ZNF841: variants seen among roughly 807,000 people sequenced by gnomAD.
ZNF841 encodes TCONS_00006091.
ZNF841 carries 11 observed loss-of-function variants against 13.0 expected under a neutral mutation model. The observed-to-expected ratio is 0.85, with a 90% CI of 0.53 to 1.40. The LOEUF is 1.40. Among genes scored for constraint, ZNF841 ranks in the 40% most tolerant of loss-of-function variants. The pLI is 0.00. For missense variants in ZNF841, 1,068 were observed against 1,139.5 expected, an observed-to-expected ratio of 0.94 and a Z score of 0.90; for synonymous variants, 369 against 381.6, an observed-to-expected ratio of 0.97 and a Z score of 0.38.
At chr19:52,058,773 G>C in the ZNF841 span, 1 of 153,146 alleles carries the variant, frequency 6.5e-6, no homozygotes, top group Non-Finnish European at 1.5e-5. Flanking sequence ...ATTTCTGTAT[G>C]AGGTTATCAT....
At chr19:52,090,670 A>AGAAAGAAAG (rs2088452693) in intron 2 of ZNF841, among the ~76,000 whole-genome samples, 1 of 135,634 alleles carries the variant, frequency 7.4e-6, no homozygotes, top group Non-Finnish European at 1.6e-5. Context: ...AAAGAAAGAA[A>AGAAAGAAAG]GAAAGAAAGA....
intron 1 of ZNF841, chr19:52,094,239 T>G (rs1304465755): frequency 2.0e-5 from 3 of 152,244 alleles, no homozygotes; most frequent in African/African-American, 7.2e-5. Flanking sequence ...CTTTGGTGAT[T>G]TTCATCCTCA....
intron 2 of ZNF841, among the ~76,000 whole-genome samples, chr19:52,091,592 A>C (rs1343033618): frequency 1.3e-5 from 2 of 152,368 alleles, no homozygotes; most frequent in East Asian, 3.9e-4. Flanking sequence ...AGGAAAGGAC[A>C]GTCTCATCAA....
At chr19:52,064,223 G>C (rs1403296938), downstream of ZNF841, among the ~76,000 whole-genome samples, 1 of 151,816 alleles carries the variant, frequency 6.6e-6, no homozygotes, top group African/African-American at 2.4e-5. Flanking sequence ...GCGAGCGCCT[G>C]TAGTCCCAGC....
At position 52,090,654 on chromosome 19, in the gene ZNF841, G is replaced by GGAAGGAAGGAAGGAAA. The variant is rs1183196348; in HGVS notation, c.-143-1653_-143-1652insTTTCCTTCCTTCCTTC. On this transcript the variant is annotated intron_variant, in intron 2 of 6. Coordinates refer to ENST00000594440, the MANE Select transcript of ZNF841 (RefSeq NM_001136499.2). ...AAGAAGGAAGGAAGGAAGGAAGGAA[G>GGAAGGAAGGAAGGAAA]GAAAGAAAGAAAGAAAGAAAGAAAG... is the stretch of plus-strand genomic sequence containing the variant. Among the ~76,000 whole-genome samples, 102 of 84,640 alleles carry GGAAGGAAGGAAGGAAA rather than the reference G, an allele frequency of 1.2e-3. 1 individual carries two copies. The highest frequency in any genetic ancestry group is 5.7e-3 in the African/African-American group (95 of 16,780). The allele number at this position is 84,640 out of a possible 152,430, so 55.5% of individuals were successfully genotyped here.
chr19:52,094,111 T>C (rs1293528654), intron 1 of ZNF841, 140 bp from the exon 2 acceptor site: 2 of 152,214 alleles, frequency 1.3e-5, no homozygotes, highest in East Asian at 3.8e-4. Context: ...ACTCCATCAT[T>C]GGGAAGAAGA....
chr19:52,088,384 C>T (rs2088360957), intron 3 of ZNF841, among the ~76,000 whole-genome samples: 1 of 152,150 alleles, frequency 6.6e-6, no homozygotes, highest in African/African-American at 2.4e-5. Context: ...AAAAAACTCA[C>T]AGATGAACCA....
chr19:52,082,279 T>C (rs2088125134), intron 4 of ZNF841, among the ~76,000 whole-genome samples: 1 of 152,162 alleles, frequency 6.6e-6, no homozygotes, highest in Admixed American at 6.6e-5. Context: ...GGGAATTTAA[T>C]AAAATGTGAC....
downstream of ZNF841, among the ~76,000 whole-genome samples, chr19:52,061,617 G>A (rs1568530976): frequency 6.6e-6 from 1 of 152,020 alleles, no homozygotes; most frequent in Non-Finnish European, 1.5e-5. Flanking sequence ...CTTGATCTCC[G>A]CTCACTGCAA....
At chr19:52,091,162 C>T (rs899607125) in intron 2 of ZNF841, among the ~76,000 whole-genome samples, 1 of 151,896 alleles carries the variant, frequency 6.6e-6, no homozygotes, top group Non-Finnish European at 1.5e-5. Context: ...GGCATTGGGG[C>T]TGCAACAAAG....
intron 2 of ZNF841, among the ~76,000 whole-genome samples, chr19:52,092,117 G>A (rs2088516727): frequency 1.3e-5 from 2 of 151,898 alleles, no homozygotes; most frequent in Non-Finnish European, 1.5e-5. Context: ...ACTCTAGCCT[G>A]GGCAACAGAG....
chr19:52,065,375 A>C lies in ZNF841; in HGVS notation c.2507T>G (p.Leu836Trp). The change falls in exon 7 of 7, where the codon TTG becomes TGG. Residue 836 changes from leucine to tryptophan, a missense_variant. Transcript: ENST00000594440. ...CGKAFIERSN[L>W]VYHQRNHTGE... ...AGTATGGTTTCTCTGATGGTAAACC[A>C]AGTTTGACCTTTCGATAAAAGCTTT... is the stretch of plus-strand genomic sequence containing the variant. 6.2e-7 allele frequency: 1 copy of C among 1,608,132 alleles called. No homozygotes were observed. The highest frequency in any genetic ancestry group is 8.5e-7 in the Non-Finnish European group (1 of 1,176,782).
rs374319660 is a variant in ZNF841, at chr19:52,066,281, A to T, written c.1601T>A (p.Ile534Asn). The change falls in exon 7 of 7, where the codon ATT becomes AAT. Residue 534 changes from isoleucine to asparagine, a missense_variant. Transcript: ENST00000594440. Reference sequence around the variant, plus strand: ...TTTGTAAGGTTTCTCTCCGGTATGAATTCTCTGATGTACAGTTAGTAATGA... The same window carrying T: ...TTTGTAAGGTTTCTCTCCGGTATGATTTCTCTGATGTACAGTTAGTAATGA... Reference protein sequence around the residue: ...WGSLLTVHQRIHTGEKPYKCN... With the variant: ...WGSLLTVHQRNHTGEKPYKCN... 5.6e-6 allele frequency: 9 copies of T among 1,613,810 alleles called. No individual in the cohort carries two copies. The African/African-American group carries it at 1.2e-4, about 22-fold the overall frequency.
chr19:52,066,976 T>A lies in ZNF841; in HGVS notation c.906A>T (p.Ser302=). ...NESGKAFHRG[S]LLTVHQIVHT... is the part of the protein sequence containing the mutation. ...GGACTATCTGATGTACTGTTAGTAGTGAGCCCCGATGAAAGGCTTTACCAG... is the reference window on the plus strand; with the variant it reads ...GGACTATCTGATGTACTGTTAGTAGAGAGCCCCGATGAAAGGCTTTACCAG... The change falls in exon 7 of 7, where the codon TCA becomes TCT. Residue 302 remains serine (S), a synonymous_variant. Transcript: ENST00000594440. The A allele has an allele frequency of 6.2e-7, 1 of 1,614,182 alleles. No individual in the cohort carries two copies. The highest frequency in any genetic ancestry group is 8.5e-7 in the Non-Finnish European group (1 of 1,180,016).
chr19:52,064,332 G>A (rs1411799047), downstream of ZNF841: 5 of 110,696 alleles, frequency 4.5e-5, no homozygotes, highest in South Asian at 3.3e-4. Flanking sequence ...CCGCCTGGGC[G>A]ACAGAGCGAG....
intron 2 of ZNF841, among the ~76,000 whole-genome samples, chr19:52,090,555 C>T (rs1327410581): frequency 1.3e-5 from 2 of 150,672 alleles, no homozygotes; most frequent in Non-Finnish European, 2.9e-5. Context: ...GGTATGATCG[C>T]CCCACTGCAT....
chr19:52,072,219 G>A (rs2087758534), intron 6 of ZNF841, among the ~76,000 whole-genome samples: 1 of 152,126 alleles, frequency 6.6e-6, no homozygotes, highest in Non-Finnish European at 1.5e-5. Flanking sequence ...GGGAGAAGTA[G>A]TTCCACAGTA....
At chr19:52,081,613 G>GTAATTCCA (rs2088101634) in intron 4 of ZNF841, among the ~76,000 whole-genome samples, 1 of 152,234 alleles carries the variant, frequency 6.6e-6, no homozygotes, top group African/African-American at 2.4e-5. Context: ...AACACTCTGG[G>GTAATTCCA]AGCCCAAGAT....
At chr19:52,070,953 C>T (rs887082941) in intron 6 of ZNF841, among the ~76,000 whole-genome samples, 3 of 152,036 alleles carry the variant, frequency 2.0e-5, no homozygotes, top group African/African-American at 7.2e-5. Context: ...CCCAGGAGGA[C>T]AAAGGGCAAG....
Sources: gnomAD v4.1 joint callset for allele counts (sites outside exome capture counted in the v4.1 genomes callset) on GRCh38, gnomAD v4.1.1 for gene constraint, MANE v1.5 for transcripts, NCBI Gene and HGNC (gene_info 2026-07-23, HGNC 2026-07-21) for gene names.